The following KCNQ3 variants were observed in gnomAD, a reference collection of about 807,000 sequenced individuals.
The protein encoded by KCNQ3 is potassium voltage-gated channel subfamily Q member 3.
A neutral mutation model predicts 92.5 loss-of-function variants in KCNQ3; 30 were observed. That is an observed-to-expected ratio of 0.32 (90% CI 0.24 to 0.44). The LOEUF (loss-of-function observed/expected upper bound fraction) is 0.44. KCNQ3 is among the 20% of genes least tolerant of loss of function. The probability of loss-of-function intolerance (pLI) is 1.00; values close to 1 mark genes in which losing one functional copy is unlikely to be tolerated. For synonymous variants in KCNQ3, 450 were observed against 468.8 expected, an observed-to-expected ratio of 0.96 and a Z score of 0.52; for missense variants, 913 against 1,140.3, an observed-to-expected ratio of 0.80 and a Z score of 2.87.
intron 9 of KCNQ3, among the ~76,000 whole-genome samples, chr8:132,151,688 C>A (rs1825640281): frequency 6.6e-6 from 1 of 152,180 alleles, no homozygotes; most frequent in South Asian, 2.1e-4. Flanking sequence ...AATTCTATTT[C>A]ATAATGTCAA....
chr8:132,180,877 A>T (rs1826743229), intron 3 of KCNQ3, among the ~76,000 whole-genome samples: 1 of 150,342 alleles, frequency 6.7e-6, no homozygotes, highest in Non-Finnish European at 1.5e-5. Context: ...TATCAAGGCC[A>T]CTGTTGAGTC....
intron 1 of KCNQ3, among the ~76,000 whole-genome samples, chr8:132,280,412 A>C (rs1816476731): frequency 6.6e-6 from 1 of 152,210 alleles, no homozygotes; most frequent in African/African-American, 2.4e-5. Flanking sequence ...CAGCAGGAGC[A>C]GGCATCTCAC....
intron 1 of KCNQ3, among the ~76,000 whole-genome samples, chr8:132,401,343 C>T (rs771695432): frequency 1.3e-5 from 2 of 152,024 alleles, no homozygotes; most frequent in South Asian, 2.1e-4. Context: ...CCCATGAATA[C>T]GGATCCTACA....
chr8:132,323,225 A>G (rs1285899735), intron 1 of KCNQ3, among the ~76,000 whole-genome samples: 1 of 152,174 alleles, frequency 6.6e-6, no homozygotes, highest in African/African-American at 2.4e-5. Flanking sequence ...CTTAAAGATG[A>G]GCAGAGGATG....
At chr8:132,203,509 C>T (rs576887403) in intron 1 of KCNQ3, among the ~76,000 whole-genome samples, 1 of 152,182 alleles carries the variant, frequency 6.6e-6, no homozygotes, top group Admixed American at 6.5e-5. Context: ...TCTTTACTGG[C>T]AGGCAGTCGT....
chr8:132,218,811 T>C (rs1814125134), intron 1 of KCNQ3, among the ~76,000 whole-genome samples: 1 of 152,196 alleles, frequency 6.6e-6, no homozygotes, highest in African/African-American at 2.4e-5. Context: ...TCCCTTACTG[T>C]GGAAGATAGA....
chr8:132,310,729 T>TA (rs1419107868), intron 1 of KCNQ3, among the ~76,000 whole-genome samples: 1 of 152,226 alleles, frequency 6.6e-6, no homozygotes, highest in African/African-American at 2.4e-5. Flanking sequence ...TCTGGAATCC[T>TA]AAAAGTGGTA....
chr8:132,193,216 C>T (rs1772243067), intron 1 of KCNQ3, among the ~76,000 whole-genome samples: 1 of 152,204 alleles, frequency 6.6e-6, no homozygotes, highest in Admixed American at 6.5e-5. Flanking sequence ...CAATTCCAGT[C>T]AAGGTCAACA....
chr8:132,294,000 GTT>G (rs386414036), intron 1 of KCNQ3, among the ~76,000 whole-genome samples: 15,485 of 123,992 alleles, frequency 0.12, 832 homozygotes, highest in Admixed American at 0.17. Flanking sequence ...TGTGTGTGTG[GTT>G]TTTTTTTTTT....
intron 1 of KCNQ3, among the ~76,000 whole-genome samples, chr8:132,247,654 C>T (rs950036792): frequency 9.2e-5 from 14 of 151,856 alleles, no homozygotes; most frequent in African/African-American, 2.4e-4. Flanking sequence ...AAAAATTAGC[C>T]GGGCGTGGCG....
At chr8:132,211,685 GCTCATGCCTGTAATCCCAGCA>G (rs1226569598) in intron 1 of KCNQ3, among the ~76,000 whole-genome samples, 3 of 152,052 alleles carry the variant, frequency 2.0e-5, no homozygotes, top group Non-Finnish European at 4.4e-5. Context: ...GGGCATGGTG[GCTCATGCCTGTAATCCCAGCA>G]CTTTGGGAGG....
chr8:132,286,240 C>T (rs923585382), intron 1 of KCNQ3, among the ~76,000 whole-genome samples: 12 of 152,210 alleles, frequency 7.9e-5, no homozygotes, highest in African/African-American at 2.9e-4. Flanking sequence ...CAGGATGTAA[C>T]TCTACCCAGA....
In KCNQ3 at chr8:132,129,887, G is replaced by A. The variant is rs147173555; in HGVS notation, c.1994C>T (p.Ser665Leu). The change falls in exon 15 of 15, where the codon TCG (serine) becomes TTG (leucine). Residue 665 changes from serine (S) to leucine (L), a missense_variant. Around this residue, in one of 6 missense-constraint regions of KCNQ3, gnomAD observed 375 missense variants for 376.4 expected, o/e 1.00. Coordinates refer to ENST00000388996, the MANE Select transcript of KCNQ3 (RefSeq NM_004519.4). This position sits in a 1 kb window ranked among gnomAD's most constrained non-coding sequence, Gnocchi z 5.9. Reference sequence around the variant, plus strand: ...CTCCTTCTTCTCTGCTTCAGCTGGCGAGGAGGTGCCCTTGGTTGGGTAATA... The same window carrying A: ...CTCCTTCTTCTCTGCTTCAGCTGGCAAGGAGGTGCCCTTGGTTGGGTAATA... ...TEYYPTKGTS[S>L]PAEAEKKEDN... The A allele has an allele frequency of 2.9e-4, 461 of 1,614,088 alleles. No individual in the cohort carries two copies. The African/African-American group carries it at 4.9e-3, about 17-fold the overall frequency.
intron 1 of KCNQ3, among the ~76,000 whole-genome samples, chr8:132,364,191 T>C (rs897701144): frequency 2.6e-5 from 4 of 152,196 alleles, no homozygotes; most frequent in African/African-American, 4.8e-5. Context: ...TCAGGGCAGA[T>C]AGAATACAAA....
intron 1 of KCNQ3, among the ~76,000 whole-genome samples, chr8:132,388,003 G>C (rs1443473738): frequency 1.4e-5 from 2 of 146,798 alleles, no homozygotes; most frequent in Non-Finnish European, 3.0e-5. Flanking sequence ...GGAAGAAGAA[G>C]AAGAGGAAGA....
At chr8:132,271,555 C>T (rs893136590) in intron 1 of KCNQ3, among the ~76,000 whole-genome samples, 1 of 152,160 alleles carries the variant, frequency 6.6e-6, no homozygotes, top group African/African-American at 2.4e-5. Context: ...CCTCCCTGCC[C>T]TTCACCCTTC....
chr8:132,370,714 C>A (rs892724748), intron 1 of KCNQ3, among the ~76,000 whole-genome samples: 1 of 152,250 alleles, frequency 6.6e-6, no homozygotes, highest in East Asian at 1.9e-4. Context: ...GCGAGGAATG[C>A]CCTTCTTACT....
At chr8:132,215,373 G>A (rs1156629194) in intron 1 of KCNQ3, among the ~76,000 whole-genome samples, 1 of 152,218 alleles carries the variant, frequency 6.6e-6, no homozygotes, top group Non-Finnish European at 1.5e-5. Flanking sequence ...TATTTATGCT[G>A]CAGTTAACCA....
rs139485556 is a variant in KCNQ3 at position 132,409,096 on chromosome 8, C to G, written c.386+71051G>C. On this transcript the variant is annotated intron_variant, in intron 1 of 14. Transcript: ENST00000388996. ...TAAAATCTCAAAGAGTCCTTTCCCC[C>G]AAGAAGCTCATAGACACCTAGGGGT... is the stretch of plus-strand genomic sequence containing the variant. Among the ~76,000 whole-genome samples, 1,044 of 152,276 alleles carry G rather than the reference C, an allele frequency of 6.9e-3. 10 individuals carry two copies. Among genetic ancestry groups the G allele is most frequent in the Middle Eastern group, 0.02 (6 of 294 alleles).
Sources: gnomAD v4.1 joint callset for allele counts (sites outside exome capture counted in the v4.1 genomes callset) on GRCh38, gnomAD v4.1.1 for gene constraint, gnomAD v4.1.1 regional missense constraint, Gnocchi (gnomAD v3.1) non-coding constraint, MANE v1.5 for transcripts, NCBI Gene and HGNC (gene_info 2026-07-23, HGNC 2026-07-21) for gene names.